The following SCARA5 variants were observed in gnomAD, a reference collection of about 807,000 sequenced individuals.
SCARA5 encodes the protein scavenger receptor class A, member 5 (putative).
Under a neutral mutation model 46.3 loss-of-function variants are expected in SCARA5, and 45 were observed. That is an observed-to-expected ratio of 0.97 (90% confidence interval 0.76 to 1.24). The LOEUF is 1.24. SCARA5 is among the 50% of genes most tolerant of loss of function. The pLI, the probability that SCARA5 is intolerant of heterozygous loss-of-function variation, is 0.00. For missense variants in SCARA5, 680 were observed against 689.0 expected, an observed-to-expected ratio of 0.99 and a Z score of 0.15; for synonymous variants, 333 against 306.5, an observed-to-expected ratio of 1.09 and a Z score of -0.90.
At chr8:27,921,248 G>A (rs1006083182) in intron 4 of SCARA5, among the ~76,000 whole-genome samples, 1 of 152,198 alleles carries the variant, frequency 6.6e-6, no homozygotes, top group Admixed American at 6.5e-5. Context: ...GCACACCCAC[G>A]CAAGCTGACC....
At chr8:27,944,375 A>G (rs1346303953) in intron 3 of SCARA5, among the ~76,000 whole-genome samples, 1 of 152,226 alleles carries the variant, frequency 6.6e-6, no homozygotes, top group African/African-American at 2.4e-5. Flanking sequence ...ACACACTAAC[A>G]TATTTAGGGG....
At chr8:27,877,865 T>A (rs1481325569) in intron 8 of SCARA5, among the ~76,000 whole-genome samples, 1 of 152,146 alleles carries the variant, frequency 6.6e-6, no homozygotes, top group Non-Finnish European at 1.5e-5. Flanking sequence ...ACCAATGAGA[T>A]CTATGGGATG....
In SCARA5 at chr8:27,886,928, G is replaced by C. The variant is rs1381690007; in HGVS notation, c.1154-7162C>G. Among the ~76,000 whole-genome samples, 5 of 152,134 alleles carry C rather than the reference G, an allele frequency of 3.3e-5. No individual in the cohort carries two copies. In the South Asian group the frequency reaches 6.2e-4, roughly 19 times the overall value. On this transcript the variant is annotated intron_variant, in intron 7 of 8. Transcript: ENST00000354914. The stretch of plus-strand genomic sequence containing the variant: ...GTCAGTCCAGGGAGTTTTTTCCTCA[G>C]ATGCCCCCCAGGAGGGTCCCTGCAG...
chr8:27,921,928 G>A lies in SCARA5; in HGVS notation c.559C>T (p.Gln187Ter). 8 of 1,534,678 alleles carry A rather than the reference G, an allele frequency of 5.2e-6. No individual in the cohort carries two copies. The highest frequency in any genetic ancestry group is 7.0e-6 in the Non-Finnish European group (8 of 1,149,180). ...CTACTGTTGCTCTCCACCTGCAGCT[G>A]GTAGAGCTCCAGCTGCGCCGTGTCG... ...QSDTAQLELY[Q>*]LQVESNSSQL... Residue 187 changes from glutamine to a stop codon, truncating the protein, a stop_gained, in exon 4 of 9, where the codon CAG (glutamine) becomes TAG (stop). Transcript: ENST00000354914. LOFTEE classifies it high-confidence loss of function.
At chr8:27,962,770 A>G (rs1808312142) in intron 3 of SCARA5, among the ~76,000 whole-genome samples, 1 of 152,170 alleles carries the variant, frequency 6.6e-6, no homozygotes, top group Admixed American at 6.5e-5. Flanking sequence ...ACTACGTCAC[A>G]TTGCCCGACA....
At chr8:27,960,302 G>A (rs1457585326) in intron 3 of SCARA5, among the ~76,000 whole-genome samples, 2 of 151,836 alleles carry the variant, frequency 1.3e-5, no homozygotes, top group Non-Finnish European at 1.5e-5. Flanking sequence ...TCAGCCTCCT[G>A]AGTAGCTGGG....
chr8:27,910,467 G>A (rs145838424), intron 4 of SCARA5, among the ~76,000 whole-genome samples: 1 of 152,334 alleles, frequency 6.6e-6, no homozygotes, highest in Non-Finnish European at 1.5e-5. Context: ...ATGAGAAAGT[G>A]GGGCTCTTAG....
At chr8:27,969,362 T>C (rs1335113362) in intron 2 of SCARA5, among the ~76,000 whole-genome samples, 1 of 152,210 alleles carries the variant, frequency 6.6e-6, no homozygotes, top group Non-Finnish European at 1.5e-5. Context: ...CATGGAGGAA[T>C]GTTAAATGAG....
chr8:27,935,230 C>T (rs1030434789), intron 3 of SCARA5, among the ~76,000 whole-genome samples: 3 of 152,140 alleles, frequency 2.0e-5, no homozygotes, highest in Admixed American at 6.6e-5. Context: ...TAGGCAGCCT[C>T]GGGAAACTAA....
At chr8:27,979,851 A>G (rs1808587661) in intron 2 of SCARA5, among the ~76,000 whole-genome samples, 1 of 152,136 alleles carries the variant, frequency 6.6e-6, no homozygotes, top group South Asian at 2.1e-4. Context: ...GTGAGTCACC[A>G]TGCCTGGCCC....
chr8:27,965,493 C>T (rs564743050), intron 3 of SCARA5, among the ~76,000 whole-genome samples: 28 of 151,882 alleles, frequency 1.8e-4, no homozygotes, highest in Middle Eastern at 6.8e-3. Context: ...TCACAGTGCC[C>T]GCTGCATTCT....
chr8:27,949,777 C>CCCCTACA (rs1251419554), intron 3 of SCARA5, among the ~76,000 whole-genome samples: 24 of 152,220 alleles, frequency 1.6e-4, no homozygotes, highest in African/African-American at 5.5e-4. Flanking sequence ...TCTGAGTCCT[C>CCCCTACA]CCCTACAGCC....
intron 3 of SCARA5, among the ~76,000 whole-genome samples, chr8:27,923,261 C>T (rs1288375849): frequency 6.6e-6 from 1 of 152,222 alleles, no homozygotes; most frequent in Non-Finnish European, 1.5e-5. Context: ...ATTTTCTGGC[C>T]TCCTGAGTTC....
intron 3 of SCARA5, among the ~76,000 whole-genome samples, chr8:27,924,803 A>T (rs1807655280): frequency 6.6e-6 from 1 of 152,226 alleles, no homozygotes; most frequent in South Asian, 2.1e-4. Context: ...AGGATACAAA[A>T]TCAATGCGCA....
chr8:27,977,739 C>G (rs943180903), intron 2 of SCARA5, among the ~76,000 whole-genome samples: 1 of 152,248 alleles, frequency 6.6e-6, no homozygotes, highest in Non-Finnish European at 1.5e-5. Context: ...TATCACTGCC[C>G]TGGCTCTCCT....
At position 27,921,097 on chromosome 8, in the gene SCARA5, T is replaced by C. The variant is rs140062457; in HGVS notation, c.916+474A>G. 2.6e-3 allele frequency among the ~76,000 whole-genome samples: 402 copies of C among 152,360 alleles called. 2 individuals are homozygous for C. Among genetic ancestry groups the C allele is most frequent in the Non-Finnish European group, 4.8e-3 (328 of 68,036 alleles). ...TTTTGCCTAAATGAGTAAGTCTTCCTAAGAGCCTAGAAGGCCAGGTTCAAG... is the reference window on the plus strand; with the variant it reads ...TTTTGCCTAAATGAGTAAGTCTTCCCAAGAGCCTAGAAGGCCAGGTTCAAG... On this transcript the variant is annotated intron_variant, in intron 4 of 8. Coordinates refer to ENST00000354914, the MANE Select transcript of SCARA5 (RefSeq NM_173833.6).
At chr8:27,919,101 A>C (rs116679052) in intron 4 of SCARA5, among the ~76,000 whole-genome samples, 174 of 34,346 alleles carry the variant, frequency 5.1e-3, no homozygotes, top group East Asian at 7.6e-3. Context: ...GAGGAGAAGG[A>C]AGAGGAGGAG....
chr8:27,870,214 G>GTTTTTTTTTT lies in SCARA5; in HGVS notation c.*1710_*1719dup, dbSNP rs11321344. 7.7e-6 allele frequency: 1 copy of GTTTTTTTTTT among 129,934 alleles called. No homozygotes were observed. 8.0% of individuals were successfully genotyped at this position (129,934 alleles called of 1,614,324 possible). A position where few individuals can be genotyped will look rare whatever the true frequency, so the allele number is the denominator to read the frequency against. Reference sequence around the variant, plus strand: ...TTCAATGTGGCATCTTTCACCTTTAGTTTTTTTTTTTTTTTTTTTTTAACT... The same window carrying GTTTTTTTTTT: ...TTCAATGTGGCATCTTTCACCTTTAGTTTTTTTTTTTTTTTTTTTTTTTTTTTTTTTAACT... On this transcript the variant is annotated 3_prime_UTR_variant, in exon 9 of 9. Transcript: ENST00000354914.
chr8:27,975,675 C>T (rs953682396), intron 2 of SCARA5, among the ~76,000 whole-genome samples: 1 of 151,410 alleles, frequency 6.6e-6, no homozygotes, highest in African/African-American at 2.4e-5. Context: ...GATGAGTGAG[C>T]GAATAGAAAA....
Sources: gnomAD v4.1 joint callset for allele counts (sites outside exome capture counted in the v4.1 genomes callset) on GRCh38, gnomAD v4.1.1 for gene constraint, MANE v1.5 for transcripts, NCBI Gene and HGNC (gene_info 2026-07-23, HGNC 2026-07-21) for gene names.